Variants in UBXN6 observed in about 807,000 individuals in gnomAD.
UBXN6 encodes UBX domain protein 6.
Under a neutral mutation model 51.4 loss-of-function variants are expected in UBXN6, and 44 were observed. The ratio of observed to expected loss-of-function variants is 0.86; its 90% CI spans 0.67 to 1.10. UBXN6 has a LOEUF of 1.10. Ranked by LOEUF, UBXN6 falls within the 50% of genes least tolerant of loss-of-function variation. The pLI is 0.00. For missense variants in UBXN6, 672 were observed against 596.1 expected (o/e 1.13, Z -1.32); for synonymous variants, 316 against 263.2 (o/e 1.20, Z -1.94).
intron 10 of UBXN6, 192 bp from the exon 11 acceptor site, chr19:4,445,815 C>A: frequency 9.3e-7 from 1 of 1,076,758 alleles, no homozygotes; most frequent in South Asian, 1.6e-5. Flanking sequence ...ACCTACTGCA[C>A]TAGCTAACGC....
chr19:4,448,431 C>A lies in UBXN6; in HGVS notation c.442-16G>T. On this transcript the variant is annotated splice_polypyrimidine_tract_variant and intron_variant, in intron 4 of 10. Coordinates refer to ENST00000301281, the MANE Select transcript of UBXN6 (RefSeq NM_025241.3). Reference sequence around the variant, plus strand: ...TGGAGAAGTGCTGGGAGGAGGGAAGCAGGGAAAGCCACTCACTGAGAGCCC... The same window carrying A: ...TGGAGAAGTGCTGGGAGGAGGGAAGAAGGGAAAGCCACTCACTGAGAGCCC... 2 of 1,592,160 alleles carry A rather than the reference C, an allele frequency of 1.3e-6. No homozygotes were observed. Among genetic ancestry groups the A allele is most frequent in the Non-Finnish European group, 1.7e-6 (2 of 1,169,824 alleles).
In UBXN6 at chr19:4,445,313, C is replaced by A; in HGVS notation, c.*185G>T. On this transcript the variant is annotated 3_prime_UTR_variant, in exon 11 of 11. Coordinates refer to ENST00000301281, the MANE Select transcript of UBXN6 (RefSeq NM_025241.3). ...CGGGGGCTTGGGCGCATCCCCACAGCCCCCAAGGGATGGGGGCTCTGCCAC... is the reference window on the plus strand; with the variant it reads ...CGGGGGCTTGGGCGCATCCCCACAGACCCCAAGGGATGGGGGCTCTGCCAC... 1 of 1,003,486 alleles carries A rather than the reference C, an allele frequency of 1.0e-6. No homozygotes were observed. Among genetic ancestry groups the A allele is most frequent in the Non-Finnish European group, 1.5e-6 (1 of 686,400 alleles). 62.2% of individuals were successfully genotyped at this position (1,003,486 alleles called of 1,614,324 possible).
chr19:4,457,795 T>TA (rs397859534), upstream of UBXN6: 312 of 28,090 alleles, frequency 0.011, 4 homozygotes, highest in African/African-American at 0.066. Flanking sequence ...GGAAGAAAAT[T>TA]AAAAAAAAAA....
At chr19:4,452,125 G>T (rs1409968767) in intron 4 of UBXN6, among the ~76,000 whole-genome samples, 6 of 151,068 alleles carry the variant, frequency 4.0e-5, no homozygotes, top group Non-Finnish European at 8.9e-5. Context: ...CTCCAGCCTG[G>T]GTGTCAGAGT....
chr19:4,450,609 T>A (rs1974635221), intron 4 of UBXN6: 1 of 151,642 alleles, frequency 6.6e-6, no homozygotes, highest in Admixed American at 6.6e-5. Context: ...ATACAAAGAA[T>A]CAGCTGGGCG....
intron 5 of UBXN6, 112 bp from the exon 6 acceptor site, chr19:4,447,737 G>T: frequency 9.2e-7 from 1 of 1,087,364 alleles, no homozygotes; most frequent in Non-Finnish European, 1.4e-6. Context: ...TCTAGTCAGA[G>T]GGAAGAAGCG....
intron 6 of UBXN6, 120 bp downstream of exon 6, chr19:4,447,430 G>A (rs1599674761): frequency 9.3e-7 from 1 of 1,077,976 alleles, no homozygotes; most frequent in Non-Finnish European, 1.4e-6. Flanking sequence ...CACTGCTTGT[G>A]GCTCAACTCT....
Position 4,446,416 on chromosome 19 carries a change from G to A in UBXN6, c.921-3C>T. 19 of 1,576,318 alleles carry A rather than the reference G, an allele frequency of 1.2e-5. No homozygotes were observed. The highest frequency in any genetic ancestry group is 2.3e-5 in the East Asian group (1 of 43,900). On this transcript the variant is annotated splice_polypyrimidine_tract_variant and splice_region_variant and intron_variant, in intron 8 of 10. Coordinates refer to ENST00000301281, the MANE Select transcript of UBXN6 (RefSeq NM_025241.3). The stretch of plus-strand genomic sequence containing the variant: ...TCAGCCGCTCCACCGCCTCGGACCT[G>A]CACACGCGGGCCAGGTCACGAGGGC...
chr19:4,446,143 GCCTCCCGGAC>G lies in UBXN6; in HGVS notation c.1096_1105del (p.Val366ProfsTer27), dbSNP rs1378120602. ...AAAAGGCAGCCAGTCGCTCTGCAGG[GCCTCCCGGAC>G]GAACCCGTACACCGCCCCCAGCCGC... On this transcript the variant is annotated frameshift_variant, in exon 10 of 11. Coordinates refer to ENST00000301281, the MANE Select transcript of UBXN6 (RefSeq NM_025241.3). LOFTEE classifies it high-confidence loss of function. 1 of 1,611,750 alleles carries G rather than the reference GCCTCCCGGAC, an allele frequency of 6.2e-7. No individual in the cohort carries two copies. Among genetic ancestry groups the G allele is most frequent in the South Asian group, 1.1e-5 (1 of 91,076 alleles).
At chr19:4,447,330 G>A in intron 6 of UBXN6, 1 of 591,750 alleles carries the variant, frequency 1.7e-6, no homozygotes, top group Non-Finnish European at 3.0e-6. Context: ...ATGCAGGTGA[G>A]GAGAGGCAGA....
intron 5 of UBXN6, 35 bp downstream of exon 5, chr19:4,448,283 A>G: frequency 6.4e-7 from 1 of 1,553,414 alleles, no homozygotes; most frequent in South Asian, 1.2e-5. Context: ...GATGAGCTGG[A>G]GGGGCCAGGC....
intron 1 of UBXN6, among the ~76,000 whole-genome samples, chr19:4,456,195 G>T (rs1195046599): frequency 1.3e-5 from 2 of 151,408 alleles, no homozygotes. Flanking sequence ...TTCCTATCAT[G>T]CCCAGTCCCA....
Position 4,448,405 on chromosome 19 carries a change from G to A in UBXN6, c.452C>T (p.Thr151Ile). The A allele has an allele frequency of 6.2e-7, 1 of 1,606,926 alleles. No homozygotes were observed. Among genetic ancestry groups the A allele is most frequent in the Non-Finnish European group, 8.5e-7 (1 of 1,177,394 alleles). ...IKEAILLHFS[T>I]DPVAASIMKI... The stretch of plus-strand genomic sequence containing the variant: ...CATGATGGAGGCGGCCACTGGGTCG[G>A]TGGAGAAGTGCTGGGAGGAGGGAAG... Residue 151 changes from threonine (T) to isoleucine (I), a missense_variant, in exon 5 of 11, where the codon ACC becomes ATC. Transcript: ENST00000301281.
chr19:4,446,469 C>A (rs757396756), intron 8 of UBXN6, 31 bp downstream of exon 8: 3 of 1,592,040 alleles, frequency 1.9e-6, no homozygotes, highest in Non-Finnish European at 2.6e-6. Context: ...CCCCGCCCCG[C>A]CCCACTCTGC....
At position 4,447,695 on chromosome 19, in the gene UBXN6, T is replaced by C. The variant is rs373605033; in HGVS notation, c.540-70A>G. 9.8e-4 allele frequency: 1,474 copies of C among 1,504,650 alleles called. 11 individuals carry two copies. In the African/African-American group the frequency reaches 0.012, roughly 12 times the overall value. 93.2% of individuals were successfully genotyped at this position (1,504,650 alleles called of 1,614,324 possible). A position where few individuals can be genotyped will look rare whatever the true frequency, so the allele number is the denominator to read the frequency against. On this transcript the variant is annotated intron_variant, in intron 5 of 10. Transcript: ENST00000301281. ...CACCCGGCCCCTCTGTGCCTCCTGC[T>C]CCAGGTAACAGCAGCTCAGCCACAC...
chr19:4,445,948 C>T (rs761082765), intron 10 of UBXN6, 101 bp downstream of exon 10: 4 of 1,496,304 alleles, frequency 2.7e-6, no homozygotes, highest in Non-Finnish European at 3.6e-6. Context: ...AGGCCCCCTG[C>T]TCTGAGAACA....
At chr19:4,447,373 G>A (rs1974556404) in intron 6 of UBXN6, 177 bp downstream of exon 6, 2 of 646,480 alleles carry the variant, frequency 3.1e-6, no homozygotes, top group Non-Finnish European at 5.4e-6. Flanking sequence ...GTGCATAAAA[G>A]TCTTGCTCTC....
In UBXN6 at chr19:4,457,500, G is replaced by C. The variant is rs10423822; in HGVS notation, c.83+115C>G. ...CCTCTCCCCCTCCCCTGACCCTCGC[G>C]TGCCGCTCCCAGCCCCTCATCCTCT... On this transcript the variant is annotated intron_variant, in intron 1 of 10. Coordinates refer to ENST00000301281, the MANE Select transcript of UBXN6 (RefSeq NM_025241.3). 725,624 of 725,716 alleles carry C rather than the reference G, an allele frequency of 1. 362,768 individuals carry two copies. Among genetic ancestry groups the C allele is most frequent in the Middle Eastern group, 1 (2,038 of 2,038 alleles). The allele number at this position is 725,716 out of a possible 1,614,324, so 45.0% of individuals were successfully genotyped here.
rs762693408 is a variant in UBXN6 at position 4,446,404 on chromosome 19, C to T, written c.930G>A (p.Ala310=). ...TCCGCAGCACGCTCAGCCGCTCCAC[C>T]GCCTCGGACCTGCACACGCGGGCCA... ...IKREQRLRSE[A]VERLSVLRTK... is the part of the protein sequence containing the mutation. The change falls in exon 9 of 11, where the codon GCG becomes GCA. Residue 310 remains alanine, a synonymous_variant. Transcript: ENST00000301281. 8.4e-5 allele frequency: 133 copies of T among 1,577,464 alleles called. 1 individual carries two copies. The South Asian group carries it at 9.8e-4, about 12-fold the overall frequency.
Sources: gnomAD v4.1 joint callset for allele counts (sites outside exome capture counted in the v4.1 genomes callset) on GRCh38, gnomAD v4.1.1 for gene constraint, MANE v1.5 for transcripts, NCBI Gene and HGNC (gene_info 2026-07-23, HGNC 2026-07-21) for gene names.